Variants in WDR7 observed in about 807,000 individuals in gnomAD.
The protein encoded by WDR7 is WD repeat-containing protein 7.
A neutral mutation model predicts 169.4 loss-of-function variants in WDR7; 46 were observed. The ratio of observed to expected loss-of-function variants is 0.27; its 90% CI spans 0.21 to 0.35. WDR7 has a LOEUF of 0.35. Among genes scored for constraint, WDR7 ranks in the 10% least tolerant of loss-of-function variants. The probability of loss-of-function intolerance (pLI) is 1.00; values close to 1 mark genes in which losing one functional copy is unlikely to be tolerated. For synonymous variants in WDR7, 612 were observed against 666.8 expected, an observed-to-expected ratio of 0.92 and a Z score of 1.27; for missense variants, 1,534 against 1,859.3, an observed-to-expected ratio of 0.83 and a Z score of 3.22.
intron 14 of WDR7, among the ~76,000 whole-genome samples, chr18:56,735,042 A>G (rs1253645578): frequency 6.6e-6 from 1 of 152,186 alleles, no homozygotes; most frequent in Non-Finnish European, 1.5e-5. Context: ...GAATACTTTT[A>G]AAAGGATACT....
Position 56,663,684 on chromosome 18 carries a change from C to T in WDR7, c.-19-8813C>T, listed in dbSNP as rs1054280920. 3.6e-5 allele frequency among the ~76,000 whole-genome samples: 3 copies of T among 82,576 alleles called. No individual in the cohort carries two copies. In the Admixed American group the frequency reaches 4.0e-4, roughly 11 times the overall value. 54.2% of individuals were successfully genotyped at this position (82,576 alleles called of 152,430 possible). On this transcript the variant is annotated intron_variant, in intron 1 of 27. Transcript: ENST00000254442. ...CACAGCATATATACATATATATATG[C>T]ACAGCATATATGTAGATATACCACA...
intron 22 of WDR7, among the ~76,000 whole-genome samples, chr18:56,935,367 A>C: frequency 6.6e-6 from 1 of 152,232 alleles, no homozygotes; most frequent in Non-Finnish European, 1.5e-5. Flanking sequence ...GACAGGAGTG[A>C]ATCTTGCCTT....
chr18:56,874,202 T>G (rs2045991479), intron 20 of WDR7, among the ~76,000 whole-genome samples: 1 of 152,214 alleles, frequency 6.6e-6, no homozygotes, highest in Non-Finnish European at 1.5e-5. Context: ...AGATACAGAT[T>G]ATCAAAATGT....
intron 14 of WDR7, among the ~76,000 whole-genome samples, chr18:56,749,794 TA>T (rs2043760773): frequency 6.6e-6 from 1 of 151,940 alleles, no homozygotes; most frequent in Middle Eastern, 3.2e-3. Context: ...TGTCACAGGA[TA>T]AAATGAAATA....
intron 21 of WDR7, among the ~76,000 whole-genome samples, chr18:56,886,707 A>G (rs1367160437): frequency 6.6e-6 from 1 of 152,216 alleles, no homozygotes; most frequent in Non-Finnish European, 1.5e-5. Context: ...TCACCAACCA[A>G]GTTTCTGCTG....
intron 20 of WDR7, among the ~76,000 whole-genome samples, chr18:56,831,208 G>C (rs541331212): frequency 2.1e-4 from 32 of 152,260 alleles, no homozygotes; most frequent in African/African-American, 7.7e-4. Flanking sequence ...GAGAGAGCAA[G>C]AGGTGGTACA....
At chr18:56,899,510 GT>G (rs1488795348) in intron 21 of WDR7, among the ~76,000 whole-genome samples, 1 of 152,030 alleles carries the variant, frequency 6.6e-6, no homozygotes, top group Admixed American at 6.6e-5. Flanking sequence ...ACAATAATGT[GT>G]TTCTAAGGTA....
At chr18:56,720,744 G>A (rs1483052948) in intron 13 of WDR7, among the ~76,000 whole-genome samples, 2 of 152,082 alleles carry the variant, frequency 1.3e-5, no homozygotes, top group Admixed American at 6.6e-5. Flanking sequence ...AACTGTAGGG[G>A]TACTGGAAGA....
chr18:56,794,612 TAA>T (rs1293893894), intron 19 of WDR7, among the ~76,000 whole-genome samples: 1 of 152,016 alleles, frequency 6.6e-6, no homozygotes, highest in Non-Finnish European at 1.5e-5. Context: ...CCCGGCCAGA[TAA>T]AGTCTATTTT....
At chr18:56,889,896 T>G (rs1262015051) in intron 21 of WDR7, among the ~76,000 whole-genome samples, 1 of 152,210 alleles carries the variant, frequency 6.6e-6, no homozygotes, top group Non-Finnish European at 1.5e-5. Flanking sequence ...CTCTTTGGTA[T>G]GAGATACACT....
chr18:56,694,775 T>C lies in WDR7; in HGVS notation c.1108+15T>C, dbSNP rs2025660779. On this transcript the variant is annotated intron_variant, in intron 10 of 27. Transcript: ENST00000254442. ...AAGTGAAGAAGGTAATAGTAAATCA[T>C]GTGTAACAATTTCTTAATTAATTTA... is the stretch of plus-strand genomic sequence containing the variant. 1 of 1,592,398 alleles carries C rather than the reference T, an allele frequency of 6.3e-7. No homozygotes were observed.
chr18:56,677,082 G>T (rs1176174471), intron 2 of WDR7, among the ~76,000 whole-genome samples: 1 of 152,054 alleles, frequency 6.6e-6, no homozygotes, highest in Admixed American at 6.6e-5. Flanking sequence ...TACTATTACT[G>T]GTGAGTTTGT....
chr18:57,023,234 A>G (rs1187511015), intron 27 of WDR7, among the ~76,000 whole-genome samples: 1 of 152,128 alleles, frequency 6.6e-6, no homozygotes, highest in Non-Finnish European at 1.5e-5. Context: ...GCTCTCCCCA[A>G]ATGGGCTTTG....
chr18:56,973,845 A>G (rs1169669388), intron 26 of WDR7, among the ~76,000 whole-genome samples: 1 of 152,228 alleles, frequency 6.6e-6, no homozygotes, highest in Non-Finnish European at 1.5e-5. Context: ...ACCTGGTACC[A>G]TTAAAGCTCT....
rs1401898639 is a variant in WDR7, at chr18:56,879,960, C to G, written c.3321C>G (p.Val1107=). 1 of 1,613,672 alleles carries G rather than the reference C, an allele frequency of 6.2e-7. No individual in the cohort carries two copies. Among genetic ancestry groups the G allele is most frequent in the East Asian group, 2.2e-5 (1 of 44,870 alleles). ...GGTCTTCAGGTTGCTTATCAAGTGT[C>G]CCACAAATGAAAAAAATTTCTACAT... ...DDITTGCLSS[V]PQMKKISTSY... Residue 1107 remains valine, a synonymous_variant, in exon 21 of 28, where the codon GTC becomes GTG. Coordinates refer to ENST00000254442, the MANE Select transcript of WDR7 (RefSeq NM_015285.3).
intron 1 of WDR7, among the ~76,000 whole-genome samples, chr18:56,667,485 T>C (rs2025048760): frequency 6.6e-6 from 1 of 152,216 alleles, no homozygotes; most frequent in South Asian, 2.1e-4. Flanking sequence ...CTTTACAATG[T>C]GGCCCAACTG....
At chr18:56,699,886 C>T (rs2025784286) in intron 12 of WDR7, 1 of 985,308 alleles carries the variant, frequency 1.0e-6, no homozygotes, top group Non-Finnish European at 1.2e-6. Context: ...ACTCCAGACC[C>T]CCTTTTCAAA....
chr18:56,820,792 A>G (rs2045081625), intron 20 of WDR7, among the ~76,000 whole-genome samples: 1 of 152,166 alleles, frequency 6.6e-6, no homozygotes, highest in Non-Finnish European at 1.5e-5. Flanking sequence ...TTCTTGGATT[A>G]TAGAATCAAA....
rs368134727 is a variant in WDR7, at chr18:57,027,818, T to G, written c.*611T>G. 13 of 152,958 alleles carry G rather than the reference T, an allele frequency of 8.5e-5. No homozygotes were observed. Among genetic ancestry groups the G allele is most frequent in the African/African-American group, 3.1e-4 (13 of 41,568 alleles). The allele number at this position is 152,958 out of a possible 1,614,324, so 9.5% of individuals were successfully genotyped here. A position where few individuals can be genotyped will look rare whatever the true frequency, so the allele number is the denominator to read the frequency against. ...TATCAACAGCTAACCAATTTGAGAT[T>G]CATGATTAATTATGTACACAAAAAT... On this transcript the variant is annotated 3_prime_UTR_variant, in exon 28 of 28. Transcript: ENST00000254442.
Sources: allele counts gnomAD v4.1 joint callset (sites outside exome capture counted in the v4.1 genomes callset), GRCh38; gene constraint gnomAD v4.1.1; transcripts MANE v1.5; gene names NCBI Gene and HGNC (gene_info 2026-07-23, HGNC 2026-07-21).